NREP: variants seen among roughly 807,000 people sequenced by gnomAD.
NREP encodes the protein neuronal regeneration related protein.
In NREP, 5 loss-of-function variants were observed where a neutral mutation model predicts 8.6. That is an observed-to-expected ratio of 0.58 (90% CI 0.30 to 1.22). NREP has a LOEUF of 1.22. NREP is among the 50% of genes most tolerant of loss of function. NREP has a pLI of 0.07. For synonymous variants in NREP, 27 were observed against 28.0 expected (o/e 0.96, Z 0.11); for missense variants, 86 against 82.5 (o/e 1.04, Z -0.17).
upstream of NREP, among the ~76,000 whole-genome samples, chr5:111,760,939 A>G (rs952382688): frequency 6.6e-6 from 1 of 152,184 alleles, no homozygotes; most frequent in Non-Finnish European, 1.5e-5. Context: ...ATGTATCTCA[A>G]ATCTATATAT....
chr5:111,888,072 T>C (rs1010204481), intron 2 of NREP, among the ~76,000 whole-genome samples: 4 of 152,222 alleles, frequency 2.6e-5, no homozygotes, highest in Admixed American at 2.6e-4. Flanking sequence ...AATGGGATCC[T>C]GAAGGCTATA....
At chr5:111,766,061 C>A in intron 2 of NREP, among the ~76,000 whole-genome samples, 1 of 152,176 alleles carries the variant, frequency 6.6e-6, no homozygotes, top group East Asian at 1.9e-4. Context: ...GACATATAAT[C>A]ATTTACATAT....
intron 2 of NREP, among the ~76,000 whole-genome samples, chr5:111,898,754 C>T (rs1205793140): frequency 6.6e-6 from 1 of 152,152 alleles, no homozygotes; most frequent in Non-Finnish European, 1.5e-5. Context: ...AATTCCTAAA[C>T]AGATTCAGCC....
chr5:111,923,237 G>C (rs1755295154), intron 2 of NREP, among the ~76,000 whole-genome samples: 1 of 152,274 alleles, frequency 6.6e-6, no homozygotes, highest in East Asian at 1.9e-4. Flanking sequence ...TGTGCCTAGT[G>C]AAAGAGACAT....
At position 111,941,939 on chromosome 5, in the gene NREP, C is replaced by T. The variant is rs532648673; in HGVS notation, c.135+33335G>A. 8.3e-4 allele frequency among the ~76,000 whole-genome samples: 126 copies of T among 152,132 alleles called. 1 individual carries two copies. The highest frequency in any genetic ancestry group is 3.0e-3 in the African/African-American group (123 of 41,540). ...AATAATATACTCACTACTTCTTAGCCTGCATTTTTAACACCGTGTGTGGAC... is the reference window on the plus strand; with the variant it reads ...AATAATATACTCACTACTTCTTAGCTTGCATTTTTAACACCGTGTGTGGAC... On this transcript the variant is annotated intron_variant, in intron 2 of 3. Transcript: ENST00000395634.
chr5:111,882,276 G>C (rs549060430), intron 2 of NREP, among the ~76,000 whole-genome samples: 4 of 152,216 alleles, frequency 2.6e-5, no homozygotes, highest in East Asian at 1.9e-4. Context: ...GGGAAGTTTA[G>C]AGAAAAAAGA....
intron 2 of NREP, among the ~76,000 whole-genome samples, chr5:111,951,916 G>A (rs1236747440): frequency 6.6e-6 from 1 of 151,960 alleles, no homozygotes; most frequent in East Asian, 1.9e-4. Flanking sequence ...ACCAAGATGA[G>A]GCTAAGGCAC....
chr5:111,765,677 G>A (rs866294418), intron 2 of NREP, among the ~76,000 whole-genome samples: 1 of 152,208 alleles, frequency 6.6e-6, no homozygotes, highest in Non-Finnish European at 1.5e-5. Flanking sequence ...CTTCGTTGCC[G>A]TGCCTAGAAG....
intron 2 of NREP, among the ~76,000 whole-genome samples, chr5:111,855,544 C>G (rs1753407306): frequency 6.6e-6 from 1 of 152,170 alleles, no homozygotes; most frequent in African/African-American, 2.4e-5. Context: ...ACTCACACTT[C>G]TTTATCTTTC....
intron 2 of NREP, among the ~76,000 whole-genome samples, chr5:111,743,363 A>C (rs1353524919): frequency 6.6e-6 from 1 of 152,170 alleles, no homozygotes; most frequent in Non-Finnish European, 1.5e-5. Context: ...ACCTCAAGAA[A>C]TATATTAATT....
Position 111,780,096 on chromosome 5 carries a change from C to T in NREP, c.136-44589G>A, listed in dbSNP as rs1174142397. On this transcript the variant is annotated intron_variant, in intron 2 of 3. Coordinates refer to the NREP transcript ENST00000395634. ...CACAACTGAACAGAGCAACTTCTGCCTTCCCGTGGAGAACACGGGGGTGGG... is the reference window on the plus strand; with the variant it reads ...CACAACTGAACAGAGCAACTTCTGCTTTCCCGTGGAGAACACGGGGGTGGG... Among the ~76,000 whole-genome samples, 8 of 152,196 alleles carry T rather than the reference C, an allele frequency of 5.3e-5. No individual in the cohort carries two copies. The East Asian group carries it at 1.5e-3, about 29-fold the overall frequency.
intron 2 of NREP, among the ~76,000 whole-genome samples, chr5:111,780,014 T>G (rs1751455850): frequency 6.6e-6 from 1 of 152,252 alleles, no homozygotes; most frequent in Non-Finnish European, 1.5e-5. Context: ...TGGATAGTGC[T>G]GGCCGTGATC....
At chr5:111,763,183 A>T (rs1751003840) in intron 2 of NREP, among the ~76,000 whole-genome samples, 1 of 152,250 alleles carries the variant, frequency 6.6e-6, no homozygotes. Flanking sequence ...GAGTATGCTC[A>T]GTGTCTTCGT....
intron 2 of NREP, among the ~76,000 whole-genome samples, chr5:111,890,571 T>G (rs1754369712): frequency 6.6e-6 from 1 of 152,228 alleles, no homozygotes; most frequent in Non-Finnish European, 1.5e-5. Flanking sequence ...CTGGGCACCC[T>G]GGCTTTTCCA....
At chr5:111,748,192 C>T (rs1175937836) in intron 2 of NREP, among the ~76,000 whole-genome samples, 1 of 152,156 alleles carries the variant, frequency 6.6e-6, no homozygotes, top group Admixed American at 6.5e-5. Context: ...AAGAATGGAA[C>T]ACAGAATTTT....
intron 2 of NREP, among the ~76,000 whole-genome samples, chr5:111,945,290 T>A (rs937233870): frequency 6.6e-6 from 1 of 152,244 alleles, no homozygotes; most frequent in African/African-American, 2.4e-5. Context: ...AAGAACTTTT[T>A]TTTTATTATA....
At chr5:111,886,879 G>T (rs892106070) in intron 2 of NREP, among the ~76,000 whole-genome samples, 2 of 151,766 alleles carry the variant, frequency 1.3e-5, no homozygotes, top group African/African-American at 2.4e-5. Context: ...GCTAAATGAC[G>T]AGTTAATGGG....
chr5:111,925,285 G>A (rs1169273039), intron 2 of NREP, among the ~76,000 whole-genome samples: 1 of 150,408 alleles, frequency 6.6e-6, no homozygotes, highest in African/African-American at 2.5e-5. Context: ...CGTCTCTGCA[G>A]GCAGTCCGAC....
chr5:111,754,415 G>C (rs1233971649), intron 2 of NREP, among the ~76,000 whole-genome samples: 1 of 152,270 alleles, frequency 6.6e-6, no homozygotes. Context: ...AAACCTCTGT[G>C]ATCTATTTAT....
Sources: gnomAD v4.1 joint callset for allele counts (sites outside exome capture counted in the v4.1 genomes callset) on GRCh38, gnomAD v4.1.1 for gene constraint, MANE v1.5 for transcripts, NCBI Gene and HGNC (gene_info 2026-07-23, HGNC 2026-07-21) for gene names.